PSMD12: variants seen among roughly 807,000 people sequenced by gnomAD.
PSMD12 encodes the protein proteasome 26S subunit, non-ATPase 12, also known as 26S proteasome non-ATPase regulatory subunit 12.
PSMD12 carries 8 observed loss-of-function variants against 62.9 expected under a neutral mutation model. The observed-to-expected ratio is 0.13, with a 90% CI of 0.07 to 0.23. The LOEUF is 0.23. PSMD12 is among the 10% of genes least tolerant of loss of function. The pLI, the probability that PSMD12 is intolerant of heterozygous loss-of-function variation, is 1.00. For missense variants in PSMD12, 424 were observed against 550.2 expected, an observed-to-expected ratio of 0.77 and a Z score of 2.29; for synonymous variants, 173 against 187.4, an observed-to-expected ratio of 0.92 and a Z score of 0.63.
At chr17:67,349,431 A>G (rs1351111077) in intron 4 of PSMD12, among the ~76,000 whole-genome samples, 1 of 152,228 alleles carries the variant, frequency 6.6e-6, no homozygotes, top group East Asian at 1.9e-4. Flanking sequence ...AAATATAGCC[A>G]TAATTCTTAA....
At chr17:67,352,856 G>C (rs963459464) in intron 3 of PSMD12, among the ~76,000 whole-genome samples, 2 of 152,212 alleles carry the variant, frequency 1.3e-5, no homozygotes, top group Non-Finnish European at 2.9e-5. Context: ...ATCCAGGGCA[G>C]TGCTTGTGCT....
intron 1 of PSMD12, among the ~76,000 whole-genome samples, chr17:67,363,704 T>A (rs1348089461): frequency 1.3e-5 from 2 of 152,098 alleles, no homozygotes; most frequent in African/African-American, 4.8e-5. Context: ...AGAAATGCAA[T>A]GTTAATTTTT....
intron 1 of PSMD12, among the ~76,000 whole-genome samples, chr17:67,359,083 G>A (rs1938189467): frequency 6.6e-6 from 1 of 152,130 alleles, no homozygotes; most frequent in Non-Finnish European, 1.5e-5. Flanking sequence ...GGCCAGGCAT[G>A]GTGTCTCACG....
rs2041875830 is a variant in PSMD12, at chr17:67,338,102, T to C, written c.*2741A>G. 6.6e-6 allele frequency: 1 copy of C among 152,130 alleles called. No individual in the cohort carries two copies. The highest frequency in any genetic ancestry group is 1.5e-5 in the Non-Finnish European group (1 of 68,026). The allele number at this position is 152,130 out of a possible 1,614,324, so 9.4% of individuals were successfully genotyped here. ...GATGTTTTTCAGATTCAGTAACATA[T>C]GGAAATTGAGGATAATCATAGAAAC... On this transcript the variant is annotated 3_prime_UTR_variant, in exon 11 of 11. Coordinates refer to ENST00000356126, the MANE Select transcript of PSMD12 (RefSeq NM_002816.5).
chr17:67,345,859 TAAA>T lies in PSMD12; in HGVS notation c.796-5_796-3del. 1 of 1,604,694 alleles carries T rather than the reference TAAA, an allele frequency of 6.2e-7. No individual in the cohort carries two copies. ...ATAGAGTACAACACTCTTCAGAGCCTAAAAGAGTTGTACAACAAGTTATATGCA... is the reference window on the plus strand; with the variant it reads ...ATAGAGTACAACACTCTTCAGAGCCTAGAGTTGTACAACAAGTTATATGCA... On this transcript the variant is annotated splice_polypyrimidine_tract_variant and splice_region_variant and intron_variant, in intron 7 of 10. Coordinates refer to ENST00000356126, the MANE Select transcript of PSMD12 (RefSeq NM_002816.5).
At position 67,339,199 on chromosome 17, in the gene PSMD12, C is replaced by T. The variant is rs2041887064; in HGVS notation, c.*1644G>A. The T allele has an allele frequency of 6.6e-6, 1 of 152,102 alleles. No individual in the cohort carries two copies. 9.4% of individuals were successfully genotyped at this position (152,102 alleles called of 1,614,324 possible). A position where few individuals can be genotyped will look rare whatever the true frequency, so the allele number is the denominator to read the frequency against. ...CTTGGCTCACTGCAACCTCCGCCTCCTGGCTTCAAGGAATTCTCCCACCTC... is the reference window on the plus strand; with the variant it reads ...CTTGGCTCACTGCAACCTCCGCCTCTTGGCTTCAAGGAATTCTCCCACCTC... On this transcript the variant is annotated 3_prime_UTR_variant, in exon 11 of 11. Coordinates refer to ENST00000356126, the MANE Select transcript of PSMD12 (RefSeq NM_002816.5).
intron 3 of PSMD12, among the ~76,000 whole-genome samples, chr17:67,351,579 G>A (rs1054343072): frequency 6.6e-6 from 1 of 151,878 alleles, no homozygotes; most frequent in African/African-American, 2.4e-5. Context: ...TTGTTGTGGA[G>A]GTGGTTTTAT....
rs150744021 is a variant in PSMD12, at chr17:67,353,452, C to T, written c.298-3116G>A. 4.3e-4 allele frequency among the ~76,000 whole-genome samples: 65 copies of T among 152,016 alleles called. No individual in the cohort carries two copies. The East Asian group carries it at 9.7e-3, about 23-fold the overall frequency. On this transcript the variant is annotated intron_variant, in intron 3 of 10. Coordinates refer to ENST00000356126, the MANE Select transcript of PSMD12 (RefSeq NM_002816.5). ...ACTTCTGAGTAGCTGGGACTATGTG[C>T]GCCACCATGCCTGGCTAATTGTTTT...
intron 3 of PSMD12, among the ~76,000 whole-genome samples, chr17:67,356,287 A>G (rs187123600): frequency 1.3e-5 from 2 of 152,242 alleles, no homozygotes; most frequent in East Asian, 3.9e-4. Flanking sequence ...AAAAAATCAT[A>G]TATTGGGATA....
chr17:67,348,769 A>G, intron 4 of PSMD12, 115 bp from the exon 5 acceptor site: 1 of 817,508 alleles, frequency 1.2e-6, no homozygotes, highest in Non-Finnish European at 1.9e-6. Flanking sequence ...AGGCTGAGGC[A>G]GGAGGATCGC....
In PSMD12 at chr17:67,366,549, C is replaced by A; in HGVS notation, c.-30G>T. 2 of 1,572,678 alleles carry A rather than the reference C, an allele frequency of 1.3e-6. No individual in the cohort carries two copies. Among genetic ancestry groups the A allele is most frequent in the Non-Finnish European group, 1.7e-6 (2 of 1,159,874 alleles). On this transcript the variant is annotated 5_prime_UTR_variant, in exon 1 of 11. Coordinates refer to ENST00000356126, the MANE Select transcript of PSMD12 (RefSeq NM_002816.5). The stretch of plus-strand genomic sequence containing the variant: ...CCCGCCTGAGCGTCCCTTGCTGTCC[C>A]CCTGCTTCGGCCACCACTCGTCACC...
chr17:67,347,569 C>A (rs1429636373), intron 5 of PSMD12, 84 bp from the exon 6 acceptor site: 2 of 1,333,682 alleles, frequency 1.5e-6, no homozygotes, highest in Non-Finnish European at 2.0e-6. Flanking sequence ...TTAAAATATT[C>A]ATCCTTGTTA....
chr17:67,366,102 C>G lies in PSMD12; in HGVS notation c.108+310G>C, dbSNP rs1227896446. 6.6e-5 allele frequency among the ~76,000 whole-genome samples: 10 copies of G among 152,224 alleles called. 1 individual carries two copies. Among genetic ancestry groups the G allele is most frequent in the Admixed American group, 6.5e-4 (10 of 15,284 alleles). Reference sequence around the variant, plus strand: ...CTTAATACTGAAGCGGCCTTAACCCCTGGGAAACTACTAAGGTAAATATCA... The same window carrying G: ...CTTAATACTGAAGCGGCCTTAACCCGTGGGAAACTACTAAGGTAAATATCA... On this transcript the variant is annotated intron_variant, in intron 1 of 10. Coordinates refer to ENST00000356126, the MANE Select transcript of PSMD12 (RefSeq NM_002816.5).
At chr17:67,342,285 G>C in intron 9 of PSMD12, 22 bp from the exon 10 acceptor site, 1 of 1,435,132 alleles carries the variant, frequency 7.0e-7, no homozygotes, top group Non-Finnish European at 9.7e-7. Context: ...ATAGAGAGCA[G>C]GGAGAACACG....
chr17:67,366,343 G>T, intron 1 of PSMD12, 69 bp downstream of exon 1: 1 of 1,447,022 alleles, frequency 6.9e-7, no homozygotes, highest in Non-Finnish European at 9.5e-7. Context: ...GGCCCCCTGA[G>T]GCCTAAGCAG....
rs771950870 is a variant in PSMD12, at chr17:67,347,463, T to G, written c.533A>C (p.Glu178Ala). The G allele has an allele frequency of 6.2e-7, 1 of 1,613,580 alleles. No individual in the cohort carries two copies. Among genetic ancestry groups the G allele is most frequent in the Admixed American group, 1.7e-5 (1 of 60,012 alleles). ...ELQVETYGSM[E>A]KKERVEFILE... Reference sequence around the variant, plus strand: ...AATAAATTCCACTCGCTCTTTCTTTTCCATTGACCCGTAGGTTTCCACCTA... The same window carrying G: ...AATAAATTCCACTCGCTCTTTCTTTGCCATTGACCCGTAGGTTTCCACCTA... Residue 178 changes from glutamate (E) to alanine (A), a missense_variant, in exon 6 of 11, where the codon GAA becomes GCA. Glu to Ala is a moderately radical substitution (Grantham distance 107, BLOSUM62 -1). Coordinates refer to ENST00000356126, the MANE Select transcript of PSMD12 (RefSeq NM_002816.5).
intron 1 of PSMD12, among the ~76,000 whole-genome samples, chr17:67,359,157 C>CCA (rs2042106645): frequency 6.6e-6 from 1 of 152,014 alleles, no homozygotes. Context: ...GAATTCGAGA[C>CCA]CAGCATGGAA....
rs1193475188 is a variant in PSMD12, at chr17:67,357,440, G to A, written c.169-9C>T. On this transcript the variant is annotated splice_polypyrimidine_tract_variant and intron_variant, in intron 2 of 10. Coordinates refer to ENST00000356126, the MANE Select transcript of PSMD12 (RefSeq NM_002816.5). ...GATACCATATCGGAAGCCTGTAAGG[G>A]TAAAAATATATTGAAAGTTAATGGA... The A allele has an allele frequency of 6.2e-7, 1 of 1,613,394 alleles. No individual in the cohort carries two copies. The highest frequency in any genetic ancestry group is 1.7e-5 in the Admixed American group (1 of 59,966).
chr17:67,363,537 CAGG>C (rs1209169774), intron 1 of PSMD12, among the ~76,000 whole-genome samples: 1 of 152,046 alleles, frequency 6.6e-6, no homozygotes, highest in Non-Finnish European at 1.5e-5. Flanking sequence ...TTCTTTTTAC[CAGG>C]AGATGTGAGT....
Sources: gnomAD v4.1 joint callset for allele counts (sites outside exome capture counted in the v4.1 genomes callset) on GRCh38, gnomAD v4.1.1 for gene constraint, MANE v1.5 for transcripts, NCBI Gene and HGNC (gene_info 2026-07-23, HGNC 2026-07-21) for gene names.